The following MDGA2 variants were observed in gnomAD, a reference collection of about 807,000 sequenced individuals.
The protein encoded by MDGA2 is MAM domain-containing glycosylphosphatidylinositol anchor protein 2.
A neutral mutation model predicts 117.8 loss-of-function variants in MDGA2; 40 were observed. The ratio of observed to expected loss-of-function variants is 0.34; its 90% CI spans 0.26 to 0.44. The LOEUF (loss-of-function observed/expected upper bound fraction) is 0.44. MDGA2 is among the 20% of genes least tolerant of loss of function. MDGA2 has a pLI of 1.00. For missense variants in MDGA2, 1,123 were observed against 1,250.6 expected, an observed-to-expected ratio of 0.90 and a Z score of 1.54; for synonymous variants, 452 against 439.0, an observed-to-expected ratio of 1.03 and a Z score of -0.37.
At chr14:47,193,672 A>C (rs964812000) in intron 3 of MDGA2, among the ~76,000 whole-genome samples, 1 of 152,212 alleles carries the variant, frequency 6.6e-6, no homozygotes, top group African/African-American at 2.4e-5. Context: ...TAGTGTCTGC[A>C]AAGTCAGTGA....
At chr14:47,048,536 T>C (rs1889344361) in intron 7 of MDGA2, among the ~76,000 whole-genome samples, 1 of 152,106 alleles carries the variant, frequency 6.6e-6, no homozygotes, top group African/African-American at 2.4e-5. Context: ...ATGATCACCC[T>C]GGACAATGCC....
At chr14:47,501,168 GT>G (rs1894391597) in intron 1 of MDGA2, among the ~76,000 whole-genome samples, 1 of 152,092 alleles carries the variant, frequency 6.6e-6, no homozygotes, top group South Asian at 2.1e-4. Context: ...CAGTTTACGG[GT>G]AAGAGATGAT....
At chr14:46,998,053 A>G (rs762504127) in intron 8 of MDGA2, among the ~76,000 whole-genome samples, 7 of 152,154 alleles carry the variant, frequency 4.6e-5, no homozygotes, top group Non-Finnish European at 1.0e-4. Context: ...AGACATTTAG[A>G]CAAAGAAATA....
chr14:47,461,861 A>G (rs1396872843), intron 1 of MDGA2, among the ~76,000 whole-genome samples: 1 of 152,172 alleles, frequency 6.6e-6, no homozygotes, highest in African/African-American at 2.4e-5. Flanking sequence ...AAGGATCGAA[A>G]CAACAATAAC....
chr14:47,272,463 G>A (rs1888176404), intron 2 of MDGA2, among the ~76,000 whole-genome samples: 1 of 152,118 alleles, frequency 6.6e-6, no homozygotes, highest in Non-Finnish European at 1.5e-5. Context: ...GGGAGGGGGA[G>A]TTGAAAGACG....
intron 1 of MDGA2, among the ~76,000 whole-genome samples, chr14:47,537,537 C>G (rs1375925130): frequency 8.8e-6 from 1 of 114,048 alleles, no homozygotes; most frequent in Non-Finnish European, 1.6e-5. Context: ...AAGAGGAAAC[C>G]CAGGGCTGCT....
At chr14:47,295,861 G>A (rs1453404410) in intron 2 of MDGA2, among the ~76,000 whole-genome samples, 1 of 151,990 alleles carries the variant, frequency 6.6e-6, no homozygotes, top group East Asian at 1.9e-4. Context: ...CCGAGATTGT[G>A]CCACTTGCAC....
intron 1 of MDGA2, among the ~76,000 whole-genome samples, chr14:47,592,891 T>C (rs1321684596): frequency 6.6e-6 from 1 of 152,074 alleles, no homozygotes; most frequent in Non-Finnish European, 1.5e-5. Context: ...GCAAATGATA[T>C]CTAATTAAAC....
intron 2 of MDGA2, 64 bp from the exon 3 acceptor site, chr14:47,218,259 A>G (rs1886173231): frequency 7.3e-7 from 1 of 1,369,508 alleles, no homozygotes; most frequent in Admixed American, 2.6e-5. Context: ...ATCAAATAGC[A>G]ATCACTCATT....
chr14:47,200,516 CTTTTTTCTTTTTCTTTTCT>C (rs1390060124), intron 3 of MDGA2: 5 of 604,992 alleles, frequency 8.3e-6, no homozygotes, highest in African/African-American at 2.0e-5. Flanking sequence ...TTTTTCTTTT[CTTTTTTCTTTTTCTTTTCT>C]TTTTTTTTTT....
intron 1 of MDGA2, among the ~76,000 whole-genome samples, chr14:47,305,673 A>G (rs1211750674): frequency 6.6e-6 from 1 of 152,200 alleles, no homozygotes; most frequent in Admixed American, 6.5e-5. Context: ...CAGCTGCTAT[A>G]GCAGGCATGA....
intron 1 of MDGA2, among the ~76,000 whole-genome samples, chr14:47,345,960 A>G (rs1278695574): frequency 6.6e-6 from 1 of 152,054 alleles, no homozygotes; most frequent in Non-Finnish European, 1.5e-5. Context: ...AGGAATGCAG[A>G]GAGATTTCTT....
chr14:46,907,653 A>G (rs1883549421), intron 10 of MDGA2, among the ~76,000 whole-genome samples: 1 of 152,104 alleles, frequency 6.6e-6, no homozygotes, highest in African/African-American at 2.4e-5. Context: ...TTACTTTGTG[A>G]CACCATTTTT....
In MDGA2 at chr14:47,491,479, C is replaced by T. The variant is rs571607743; in HGVS notation, c.280+183038G>A. On this transcript the variant is annotated intron_variant, in intron 1 of 16. Transcript: ENST00000399232. ...TATCAACAATAAAGATTAAGAATGC[C>T]TATACGAAGGAAAGACTAGATAGTA... Among the ~76,000 whole-genome samples, 5 of 152,174 alleles carry T rather than the reference C, an allele frequency of 3.3e-5. No homozygotes were observed. The South Asian group carries it at 1.0e-3, about 32-fold the overall frequency.
rs2139511289 is a variant in MDGA2 at position 47,218,017 on chromosome 14, T to G, written c.595+4A>C. 1 of 1,514,062 alleles carries G rather than the reference T, an allele frequency of 6.6e-7. No individual in the cohort carries two copies. 93.8% of individuals were successfully genotyped at this position (1,514,062 alleles called of 1,614,324 possible). Reference sequence around the variant, plus strand: ...AATTATAGTTTTCTGGAAAATTTACTTACAGTATACATCCACTCTGATTGA... The same window carrying G: ...AATTATAGTTTTCTGGAAAATTTACGTACAGTATACATCCACTCTGATTGA... On this transcript the variant is annotated splice_donor_region_variant and intron_variant, in intron 3 of 16. Transcript: ENST00000399232.
At chr14:47,382,135 A>T (rs1037557027) in intron 1 of MDGA2, among the ~76,000 whole-genome samples, 17 of 152,212 alleles carry the variant, frequency 1.1e-4, no homozygotes, top group Non-Finnish European at 2.4e-4. Flanking sequence ...TGATGCTGGG[A>T]AAACTGGCTA....
chr14:47,574,854 T>C (rs1896087672), intron 1 of MDGA2, among the ~76,000 whole-genome samples: 1 of 152,190 alleles, frequency 6.6e-6, no homozygotes, highest in Non-Finnish European at 1.5e-5. Context: ...AGCTGGAATT[T>C]GAAGCCAGCA....
At chr14:47,344,058 A>C (rs141416943) in intron 1 of MDGA2, among the ~76,000 whole-genome samples, 22 of 152,330 alleles carry the variant, frequency 1.4e-4, no homozygotes, top group African/African-American at 4.6e-4. Flanking sequence ...TGTTTACCAC[A>C]CAATCACTCT....
intron 1 of MDGA2, among the ~76,000 whole-genome samples, chr14:47,441,349 C>A (rs1301509316): frequency 6.6e-6 from 1 of 152,150 alleles, no homozygotes; most frequent in Non-Finnish European, 1.5e-5. Context: ...TTCAGGAACA[C>A]AATGAATACC....
Sources: allele counts gnomAD v4.1 joint callset (sites outside exome capture counted in the v4.1 genomes callset), GRCh38; gene constraint gnomAD v4.1.1; transcripts MANE v1.5; gene names NCBI Gene and HGNC (gene_info 2026-07-23, HGNC 2026-07-21).